The following TYW1 variants were observed in gnomAD, a reference collection of about 807,000 sequenced individuals.
The protein encoded by TYW1 is S-adenosyl-L-methionine-dependent tRNA 4-demethylwyosine synthase TYW1.
Under a neutral mutation model 96.2 loss-of-function variants are expected in TYW1, and 46 were observed. That is an observed-to-expected ratio of 0.48 (90% CI 0.38 to 0.61). TYW1 has a LOEUF of 0.61. Among genes scored for constraint, TYW1 ranks in the 20% least tolerant of loss-of-function variants. The pLI is 0.00. For synonymous variants in TYW1, 274 were observed against 323.0 expected, an observed-to-expected ratio of 0.85 and a Z score of 1.63; for missense variants, 684 against 909.6, an observed-to-expected ratio of 0.75 and a Z score of 3.19.
rs1260501062 is a variant in TYW1 at position 67,189,531 on chromosome 7, CAT to C, written c.1810-5638_1810-5637del. Among the ~76,000 whole-genome samples, 8 of 151,724 alleles carry C rather than the reference CAT, an allele frequency of 5.3e-5. No individual in the cohort carries two copies. The South Asian group carries it at 8.3e-4, about 16-fold the overall frequency. On this transcript the variant is annotated intron_variant, in intron 14 of 15. Transcript: ENST00000359626. Reference sequence around the variant, plus strand: ...CCATAGTCTGCACTTACTAGAGTCTCATGTGGGGTGAGAGGCAGTGCCCAGTT... The same window carrying C: ...CCATAGTCTGCACTTACTAGAGTCTCGTGGGGTGAGAGGCAGTGCCCAGTT...
At chr7:67,149,722 A>AATCTATCTATC (rs762217563) in intron 13 of TYW1, among the ~76,000 whole-genome samples, 2 of 140,120 alleles carry the variant, frequency 1.4e-5, no homozygotes, top group Non-Finnish European at 3.1e-5. Flanking sequence ...AGGAAAAAAA[A>AATCTATCTATC]TATCTATCTA....
At chr7:67,165,912 A>C (rs1487111612) in intron 13 of TYW1, among the ~76,000 whole-genome samples, 1 of 152,176 alleles carries the variant, frequency 6.6e-6, no homozygotes, top group African/African-American at 2.4e-5. Flanking sequence ...CCTGGGCAAC[A>C]GAATGAGACC....
chr7:67,093,805 G>A, intron 11 of TYW1, among the ~76,000 whole-genome samples: 1 of 152,034 alleles, frequency 6.6e-6, no homozygotes, highest in Non-Finnish European at 1.5e-5. Context: ...ATTTTGGTCT[G>A]TACTCTGTTG....
intron 15 of TYW1, among the ~76,000 whole-genome samples, chr7:67,230,633 A>G (rs1009497798): frequency 9.9e-5 from 12 of 121,516 alleles, no homozygotes; most frequent in African/African-American, 2.6e-4. Flanking sequence ...CCCCCAACCC[A>G]CCATTTTGCT....
At chr7:67,095,140 A>G (rs1341310986) in intron 11 of TYW1, among the ~76,000 whole-genome samples, 2 of 151,878 alleles carry the variant, frequency 1.3e-5, no homozygotes, top group Non-Finnish European at 2.9e-5. Context: ...CTGGGCCTAC[A>G]AGCATGCACC....
intron 14 of TYW1, among the ~76,000 whole-genome samples, chr7:67,187,907 A>G (rs1800081086): frequency 6.6e-6 from 1 of 152,258 alleles, no homozygotes; most frequent in Non-Finnish European, 1.5e-5. Context: ...TGAAATCAGT[A>G]AATGGAGAAG....
intron 9 of TYW1, among the ~76,000 whole-genome samples, chr7:67,066,340 C>G (rs1404909880): frequency 1.3e-5 from 2 of 152,158 alleles, no homozygotes; most frequent in African/African-American, 2.4e-5. Context: ...CTGGACAGAT[C>G]TGATTTTACC....
intron 3 of TYW1, among the ~76,000 whole-genome samples, chr7:67,001,101 C>A (rs1269965294): frequency 6.6e-6 from 1 of 151,974 alleles, no homozygotes; most frequent in Non-Finnish European, 1.5e-5. Context: ...AAAAAATGAT[C>A]AAAAAGATCA....
At chr7:67,072,151 G>A (rs1420846424) in intron 10 of TYW1, among the ~76,000 whole-genome samples, 1 of 149,358 alleles carries the variant, frequency 6.7e-6, no homozygotes, top group Non-Finnish European at 1.5e-5. Flanking sequence ...CTTCTTCCCA[G>A]GCATTCAGCT....
intron 13 of TYW1, among the ~76,000 whole-genome samples, chr7:67,133,117 T>G (rs1461167235): frequency 6.6e-6 from 1 of 152,152 alleles, no homozygotes; most frequent in Non-Finnish European, 1.5e-5. Context: ...TCACGAATAC[T>G]TGGTCTTGTT....
chr7:67,156,445 C>T (rs1798979232), intron 13 of TYW1, among the ~76,000 whole-genome samples: 1 of 152,250 alleles, frequency 6.6e-6, no homozygotes. Context: ...TGTGCAGGTA[C>T]ATTGGCAGCC....
intron 10 of TYW1, among the ~76,000 whole-genome samples, chr7:67,069,228 G>A (rs571725312): frequency 6.6e-6 from 1 of 152,234 alleles, no homozygotes; most frequent in African/African-American, 2.4e-5. Flanking sequence ...ATATTAATGG[G>A]ATTGACTATT....
rs115752828 is a variant in TYW1, at chr7:67,189,478, C to T, written c.1810-5692C>T. On this transcript the variant is annotated intron_variant, in intron 14 of 15. Coordinates refer to ENST00000359626, the MANE Select transcript of TYW1 (RefSeq NM_018264.4). ...GTGTTTGTGTTTGTGTGTGTCTGTC[C>T]GTGTGTGCGTGTCAGATCTGGGGTC... is the stretch of plus-strand genomic sequence containing the variant. Among the ~76,000 whole-genome samples the T allele has an allele frequency of 2.9e-3, 444 of 151,708 alleles. 4 individuals carry two copies. The highest frequency in any genetic ancestry group is 0.01 in the African/African-American group (421 of 41,372).
chr7:66,997,693 A>G (rs1195679557), intron 1 of TYW1, among the ~76,000 whole-genome samples: 1 of 129,324 alleles, frequency 7.7e-6, no homozygotes, highest in East Asian at 2.6e-4. Context: ...CGGTGGCGCA[A>G]TCTTGGCTCA....
chr7:67,076,802 A>C (rs1796223400), intron 10 of TYW1, among the ~76,000 whole-genome samples: 2 of 114,130 alleles, frequency 1.8e-5, no homozygotes, highest in African/African-American at 3.5e-5. Context: ...TTTAAGGCAG[A>C]GTCTTGCTGT....
intron 8 of TYW1, among the ~76,000 whole-genome samples, chr7:67,054,109 A>G (rs1417484436): frequency 6.6e-6 from 1 of 152,132 alleles, no homozygotes; most frequent in Non-Finnish European, 1.5e-5. Context: ...CTGTTGTTTC[A>G]TATATTTTGT....
chr7:67,164,020 A>C (rs373194179), intron 13 of TYW1, among the ~76,000 whole-genome samples: 5 of 152,162 alleles, frequency 3.3e-5, no homozygotes, highest in African/African-American at 9.7e-5. Flanking sequence ...GATCAGGCAT[A>C]TCAAGAGACT....
intron 10 of TYW1, among the ~76,000 whole-genome samples, chr7:67,071,387 G>C (rs959364687): frequency 1.6e-5 from 2 of 128,508 alleles, no homozygotes; most frequent in Non-Finnish European, 3.3e-5. Context: ...AAAAAAATTG[G>C]AAAAAAAAAA....
chr7:67,103,409 A>T (rs1443104958), intron 12 of TYW1, among the ~76,000 whole-genome samples: 2 of 152,220 alleles, frequency 1.3e-5, no homozygotes, highest in Non-Finnish European at 2.9e-5. Flanking sequence ...CAAAAACAAA[A>T]TGATTAGGAT....
Sources: allele counts gnomAD v4.1 joint callset (sites outside exome capture counted in the v4.1 genomes callset), GRCh38; gene constraint gnomAD v4.1.1; transcripts MANE v1.5; gene names NCBI Gene and HGNC (gene_info 2026-07-23, HGNC 2026-07-21).